The following PCMT1 variants were observed in gnomAD, a reference collection of about 807,000 sequenced individuals.
PCMT1 encodes the protein protein-L-isoaspartate(D-aspartate) O-methyltransferase.
PCMT1 carries 9 observed loss-of-function variants against 29.2 expected under a neutral mutation model. The ratio of observed to expected loss-of-function variants is 0.31; its 90% CI spans 0.19 to 0.54. PCMT1 has a LOEUF of 0.54. Ranked by LOEUF, PCMT1 falls within the 20% of genes least tolerant of loss-of-function variation. The pLI is 0.95. For synonymous variants in PCMT1, 98 were observed against 97.5 expected (o/e 1.00, Z -0.03); for missense variants, 184 against 282.2 (o/e 0.65, Z 2.49).
At chr6:149,809,976 T>G (rs1776119389) in intron 7 of PCMT1, 2 of 152,256 alleles carry the variant, frequency 1.3e-5, no homozygotes, top group South Asian at 4.1e-4. Flanking sequence ...TTTACTGAGG[T>G]ATAACTGAGA....
chr6:149,760,214 T>C (rs943981606), intron 1 of PCMT1, among the ~76,000 whole-genome samples: 1 of 152,132 alleles, frequency 6.6e-6, no homozygotes, highest in Non-Finnish European at 1.5e-5. Context: ...CAGGCCTTTT[T>C]AGAGTCTTAT....
chr6:149,755,585 T>G (rs1322660327), intron 1 of PCMT1, among the ~76,000 whole-genome samples: 1 of 152,222 alleles, frequency 6.6e-6, no homozygotes, highest in African/African-American at 2.4e-5. Flanking sequence ...TCTATTTTTA[T>G]TTGTAAAAAT....
chr6:149,757,048 G>A (rs1392448282), intron 1 of PCMT1, among the ~76,000 whole-genome samples: 4 of 152,118 alleles, frequency 2.6e-5, no homozygotes, highest in South Asian at 2.1e-4. Context: ...CCAGCTACTC[G>A]GAGGCTGAAG....
chr6:149,787,469 C>T (rs1033350896), intron 3 of PCMT1, among the ~76,000 whole-genome samples: 4 of 151,522 alleles, frequency 2.6e-5, no homozygotes, highest in African/African-American at 7.3e-5. Context: ...CGGGTTCAAG[C>T]GATTCTCCTG....
intron 4 of PCMT1, among the ~76,000 whole-genome samples, chr6:149,790,966 A>G (rs538896813): frequency 6.6e-6 from 1 of 152,198 alleles, no homozygotes; most frequent in East Asian, 1.9e-4. Flanking sequence ...TGATTGCACC[A>G]CTGCACTCCA....
chr6:149,753,473 C>T (rs567716387), intron 1 of PCMT1, among the ~76,000 whole-genome samples: 1 of 152,160 alleles, frequency 6.6e-6, no homozygotes, highest in East Asian at 1.9e-4. Flanking sequence ...GCTGGGATTA[C>T]AGGCAGGCGC....
At chr6:149,809,780 C>A (rs574395606) in intron 7 of PCMT1, among the ~76,000 whole-genome samples, 1 of 151,910 alleles carries the variant, frequency 6.6e-6, no homozygotes, top group African/African-American at 2.4e-5. Flanking sequence ...TTCTACATTT[C>A]TTTCCCCTCT....
At chr6:149,790,203 G>A in intron 4 of PCMT1, 145 bp downstream of exon 4, 1 of 597,346 alleles carries the variant, frequency 1.7e-6, no homozygotes, top group African/African-American at 1.9e-5. Context: ...TTAGGATTTT[G>A]TTGTTGTTGC....
intron 2 of PCMT1, 82 bp from the exon 3 acceptor site, chr6:149,773,056 G>A (rs1303261820): frequency 2.2e-5 from 21 of 945,812 alleles, no homozygotes; most frequent in Non-Finnish European, 3.3e-5. Context: ...GAAAAATAAC[G>A]TATGGATGGT....
At chr6:149,783,003 ATAAAG>A (rs1408615984) in intron 3 of PCMT1, among the ~76,000 whole-genome samples, 1 of 152,200 alleles carries the variant, frequency 6.6e-6, no homozygotes, top group Non-Finnish European at 1.5e-5. Context: ...AAAAATAAAA[ATAAAG>A]ATCACTATTT....
chr6:149,804,825 A>C (rs1775960938), intron 7 of PCMT1, among the ~76,000 whole-genome samples: 1 of 152,028 alleles, frequency 6.6e-6, no homozygotes, highest in South Asian at 2.1e-4. Flanking sequence ...TATATTATGC[A>C]TAGTCTTACT....
intron 5 of PCMT1, chr6:149,794,809 TGAGAGATC>T: frequency 2.1e-6 from 1 of 485,388 alleles, no homozygotes; most frequent in Non-Finnish European, 4.2e-6. Flanking sequence ...GTGAGGGACA[TGAGAGATC>T]AAGAGATAGA....
At chr6:149,786,578 G>GAC (rs1201960405) in intron 3 of PCMT1, among the ~76,000 whole-genome samples, 16 of 84,314 alleles carry the variant, frequency 1.9e-4, no homozygotes, top group Admixed American at 1.4e-3. Context: ...GCCAGGCAGA[G>GAC]GGTCTCCTCA....
At chr6:149,764,581 CTT>C (rs369251615) in intron 1 of PCMT1, among the ~76,000 whole-genome samples, 22 of 151,938 alleles carry the variant, frequency 1.4e-4, no homozygotes, top group Admixed American at 3.3e-4. Context: ...TAAAAAAAAA[CTT>C]TTAAAAATTA....
intron 2 of PCMT1, chr6:149,772,732 T>C (rs2115255713): frequency 2.6e-6 from 1 of 380,854 alleles, no homozygotes; most frequent in East Asian, 7.4e-5. Context: ...AGAATTATTG[T>C]GAAAGCCGGG....
intron 6 of PCMT1, among the ~76,000 whole-genome samples, chr6:149,799,940 T>C (rs1788758850): frequency 6.6e-6 from 1 of 152,180 alleles, no homozygotes; most frequent in Admixed American, 6.5e-5. Flanking sequence ...AAATGTAGAT[T>C]AAGGGAGTTC....
chr6:149,780,742 T>G (rs766174604), intron 3 of PCMT1, among the ~76,000 whole-genome samples: 69 of 152,190 alleles, frequency 4.5e-4, no homozygotes, highest in Non-Finnish European at 7.2e-4. Context: ...ATACAACATT[T>G]ATCTATTAAC....
chr6:149,751,965 T>A (rs1183646513), intron 1 of PCMT1, among the ~76,000 whole-genome samples: 1 of 151,680 alleles, frequency 6.6e-6, no homozygotes, highest in Non-Finnish European at 1.5e-5. Context: ...CCCTGCTTTC[T>A]GTGCTCAAGC....
intron 3 of PCMT1, among the ~76,000 whole-genome samples, chr6:149,773,529 C>T (rs1291260120): frequency 2.0e-5 from 3 of 152,168 alleles, no homozygotes; most frequent in African/African-American, 7.2e-5. Flanking sequence ...CAGGTGCCCA[C>T]CACGATGCCC....
Sources: allele counts gnomAD v4.1 joint callset (sites outside exome capture counted in the v4.1 genomes callset), GRCh38; gene constraint gnomAD v4.1.1; transcripts MANE v1.5; gene names NCBI Gene and HGNC (gene_info 2026-07-23, HGNC 2026-07-21).